The following PCNX3 variants were observed in gnomAD, a reference collection of about 807,000 sequenced individuals.
PCNX3 encodes pecanex-like protein 3.
PCNX3 carries 58 observed loss-of-function variants against 207.2 expected under a neutral mutation model. The observed-to-expected ratio is 0.28, with a 90% CI of 0.23 to 0.35. The LOEUF (loss-of-function observed/expected upper bound fraction) is 0.35. Among genes scored for constraint, PCNX3 ranks in the 10% least tolerant of loss-of-function variants. PCNX3 has a pLI of 1.00. For synonymous variants in PCNX3, 1,337 were observed against 1,183.5 expected, an observed-to-expected ratio of 1.13 and a Z score of -2.66; for missense variants, 2,410 against 2,774.4, an observed-to-expected ratio of 0.87 and a Z score of 2.95.
At chr11:65,622,396 T>C (rs778670632) in intron 11 of PCNX3, 30 bp downstream of exon 11, 1 of 1,579,020 alleles carries the variant, frequency 6.3e-7, no homozygotes, top group African/African-American at 1.3e-5. Context: ...GGCCCCCAAT[T>C]CTTGGAAAGC....
Position 65,627,600 on chromosome 11 carries a change from G to T in PCNX3, c.3702+18G>T, listed in dbSNP as rs375225945. The T allele has an allele frequency of 2.5e-6, 4 of 1,612,600 alleles. No homozygotes were observed. Among genetic ancestry groups the T allele is most frequent in the Non-Finnish European group, 3.4e-6 (4 of 1,179,098 alleles). On this transcript the variant is annotated intron_variant, in intron 22 of 34. Coordinates refer to ENST00000355703, the MANE Select transcript of PCNX3 (RefSeq NM_032223.4). ...GCAGCAAGGTGAGTTGGTGGCTGTGGCCCAGACCCCAGGCTGTCCAATGGG... is the reference window on the plus strand; with the variant it reads ...GCAGCAAGGTGAGTTGGTGGCTGTGTCCCAGACCCCAGGCTGTCCAATGGG...
chr11:65,631,180 G>A (rs1035916862), intron 27 of PCNX3, among the ~76,000 whole-genome samples: 1 of 152,196 alleles, frequency 6.6e-6, no homozygotes, highest in African/African-American at 2.4e-5. Context: ...TAGCCTGGGG[G>A]CTCTGAGCCA....
Position 65,625,129 on chromosome 11 carries a change from G to A in PCNX3, c.2920-42G>A, listed in dbSNP as rs1855315306. On this transcript the variant is annotated intron_variant, in intron 16 of 34. Coordinates refer to ENST00000355703, the MANE Select transcript of PCNX3 (RefSeq NM_032223.4). This position sits in a 1 kb window ranked among gnomAD's most constrained non-coding sequence, Gnocchi z 5.6. ...CACACGGGGGCAGCCCGGGCCCCAT[G>A]CTTACCTCACCTCCCCTGACCAGCA... is the stretch of plus-strand genomic sequence containing the variant. 3 of 1,565,948 alleles carry A rather than the reference G, an allele frequency of 1.9e-6. No homozygotes were observed. The highest frequency in any genetic ancestry group is 2.6e-6 in the Non-Finnish European group (3 of 1,148,100).
rs900321468 is a variant in PCNX3 at position 65,618,235 on chromosome 11, G to A, written c.873G>A (p.Thr291=). The A allele has an allele frequency of 1.0e-5, 16 of 1,607,674 alleles. No homozygotes were observed. The highest frequency in any genetic ancestry group is 1.3e-5 in the African/African-American group (1 of 74,620). The change falls in exon 6 of 35, where the codon ACG becomes ACA. Residue 291 remains threonine, a synonymous_variant. Coordinates refer to ENST00000355703, the MANE Select transcript of PCNX3 (RefSeq NM_032223.4). ...ACCGGCGGGGCTCAGGGGAGCCCAC[G>A]CCCCAGAAAGCCGGCTCCTCAGACT... ...PLDRRGSGEP[T]PQKAGSSDSC...
Position 65,629,776 on chromosome 11 carries a change from G to A in PCNX3, c.4216+41G>A, listed in dbSNP as rs556107675. Reference sequence around the variant, plus strand: ...AGGCTCGGGTGGGCAGGCACAGCTCGGGCCTGATGTGGGAGCTGTGTTCAA... The same window carrying A: ...AGGCTCGGGTGGGCAGGCACAGCTCAGGCCTGATGTGGGAGCTGTGTTCAA... On this transcript the variant is annotated intron_variant, in intron 26 of 34. Transcript: ENST00000355703. The A allele has an allele frequency of 1.7e-5, 26 of 1,536,380 alleles. No homozygotes were observed. The Middle Eastern group carries it at 9.1e-4, about 54-fold the overall frequency.
At chr11:65,626,754 G>A (rs547129962) in intron 20 of PCNX3, 150 bp from the exon 21 acceptor site, 27 of 1,154,424 alleles carry the variant, frequency 2.3e-5, no homozygotes, top group African/African-American at 4.7e-5. Context: ...GCTGGGGCTC[G>A]CTGCTCCCAT....
At position 65,617,655 on chromosome 11, in the gene PCNX3, G is replaced by T. The variant is rs376623806; in HGVS notation, c.526G>T (p.Val176Leu). ...VREQGSNNVI[V>L]TSADREMLKL... is the part of the protein sequence containing the mutation. Reference sequence around the variant, plus strand: ...GGAGCAGGGCAGCAACAATGTGATCGTGACTTCTGCCGACCGAGAGATGCT... The same window carrying T: ...GGAGCAGGGCAGCAACAATGTGATCTTGACTTCTGCCGACCGAGAGATGCT... Residue 176 changes from valine (V) to leucine (L), a missense_variant, in exon 5 of 35, where the codon GTG becomes TTG. Transcript: ENST00000355703. 6.3e-7 allele frequency: 1 copy of T among 1,596,396 alleles called. No homozygotes were observed. The highest frequency in any genetic ancestry group is 8.5e-7 in the Non-Finnish European group (1 of 1,171,386).
In PCNX3 at chr11:65,636,238, G is replaced by T. The variant is rs752571009; in HGVS notation, c.5524G>T (p.Gly1842Trp). 5 of 1,584,422 alleles carry T rather than the reference G, an allele frequency of 3.2e-6. No homozygotes were observed. In the South Asian group the frequency reaches 5.7e-5, roughly 18 times the overall value. ...GAACGTGGATGATTCAGACTGTAGT[G>T]GGGGCGGTGGCCTGACCTCCCTCAG... The part of the protein sequence containing the change: ...GGNVDDSDCS[G>W]GGGLTSLSNN... The change falls in exon 33 of 35, where the codon GGG becomes TGG. Residue 1842 changes from glycine (G) to tryptophan (W), a missense_variant. By Grantham distance (184) the Gly-to-Trp change is radical (BLOSUM62 -2). Around this residue, in one of 8 missense-constraint regions of PCNX3, gnomAD observed 59 missense variants for 83.9 expected, o/e 0.70. Coordinates refer to ENST00000355703, the MANE Select transcript of PCNX3 (RefSeq NM_032223.4).
In PCNX3 at chr11:65,635,233, C is replaced by T. The variant is rs774046630; in HGVS notation, c.4969C>T (p.Pro1657Ser). 2.5e-6 allele frequency: 4 copies of T among 1,587,506 alleles called. No homozygotes were observed. The East Asian group carries it at 6.9e-5, about 28-fold the overall frequency. Residue 1657 changes from proline (P) to serine (S), a missense_variant, in exon 31 of 35, where the codon CCA becomes TCA. Physicochemically the swap from Pro to Ser is moderately conservative, Grantham distance 74. Transcript: ENST00000355703. This position sits in a 1 kb window ranked among gnomAD's most constrained non-coding sequence, Gnocchi z 9.9. ...TCTCTACCAGGACCACTTCACGTCC[C>T]CAGATGAATATGAGGAGCCAGCAGC... ...LKLHQDHFTS[P>S]DEYEEPAALY... is the part of the protein sequence containing the mutation.
chr11:65,618,852 C>T lies in PCNX3; in HGVS notation c.1490C>T (p.Ala497Val). 6.2e-7 allele frequency: 1 copy of T among 1,611,136 alleles called. No individual in the cohort carries two copies. Among genetic ancestry groups the T allele is most frequent in the Non-Finnish European group, 8.5e-7 (1 of 1,179,218 alleles). The change falls in exon 6 of 35, where the codon GCT (alanine) becomes GTT (valine). Residue 497 changes from alanine (A) to valine (V), a missense_variant. Physicochemically the swap from Ala to Val is moderately conservative, Grantham distance 64. Transcript: ENST00000355703. ...CAGCGGACGCCTAGTACCGCCAGCG[C>T]TAAAACACATGCCCGTGTGCTGAGC... ...GTQRTPSTAS[A>V]KTHARVLSMD...
In PCNX3 at chr11:65,616,960, C is replaced by T; in HGVS notation, c.290C>T (p.Thr97Ile). ...GAGATCGTGGAGAAGCGCAGCTCTA[C>T]CATGGGGGAGCTGGAGGAAGAGCCT... The part of the protein sequence containing the change: ...QGEIVEKRSS[T>I]MGELEEEPAQ... The change falls in exon 2 of 35, where the codon ACC (threonine) becomes ATC (isoleucine). Residue 97 changes from threonine to isoleucine, a missense_variant. Around this residue, in one of 8 missense-constraint regions of PCNX3, gnomAD observed 1,104 missense variants for 970.3 expected, o/e 1.14. Coordinates refer to ENST00000355703, the MANE Select transcript of PCNX3 (RefSeq NM_032223.4). The T allele has an allele frequency of 6.2e-7, 1 of 1,613,158 alleles. No individual in the cohort carries two copies. Among genetic ancestry groups the T allele is most frequent in the South Asian group, 1.1e-5 (1 of 91,062 alleles).
Position 65,635,884 on chromosome 11 carries a change from ACGT to A in PCNX3, c.5459+82_5459+84del, listed in dbSNP as rs1855813137. 1 of 1,482,228 alleles carries A rather than the reference ACGT, an allele frequency of 6.7e-7. No individual in the cohort carries two copies. The highest frequency in any genetic ancestry group is 2.2e-5 in the Admixed American group (1 of 44,854). 91.8% of individuals were successfully genotyped at this position (1,482,228 alleles called of 1,614,324 possible). On this transcript the variant is annotated intron_variant, in intron 32 of 34. Transcript: ENST00000355703. This position sits in a 1 kb window ranked among gnomAD's most constrained non-coding sequence, Gnocchi z 9.9. ...GTCCCTCCTGGGTCTCAGAGGGAGG[ACGT>A]GCTGGAGCCAGGGCTTGAATCCCGA...
At position 65,616,901 on chromosome 11, in the gene PCNX3, C is replaced by T. The variant is rs1389627706; in HGVS notation, c.231C>T (p.Val77=). Residue 77 remains valine (V), a synonymous_variant, in exon 2 of 35, where the codon GTC becomes GTT. Transcript: ENST00000355703. Reference sequence around the variant, plus strand: ...TCATCTTTGCTACTATCAAGACTGTCAATTATCGGCTTCATGCCATGTTTG... The same window carrying T: ...TCATCTTTGCTACTATCAAGACTGTTAATTATCGGCTTCATGCCATGTTTG... ...VAVIFATIKT[V]NYRLHAMFDQ... The T allele has an allele frequency of 6.2e-7, 1 of 1,613,636 alleles. No homozygotes were observed. The highest frequency in any genetic ancestry group is 8.5e-7 in the Non-Finnish European group (1 of 1,179,866).
rs774676201 is a variant in PCNX3, at chr11:65,626,981, G to A, written c.3457G>A (p.Val1153Met). 11 of 1,559,566 alleles carry A rather than the reference G, an allele frequency of 7.1e-6. No individual in the cohort carries two copies. The highest frequency in any genetic ancestry group is 2.7e-5 in the African/African-American group (2 of 73,414). ...CVEKYLIYPAVVLNALTVDAH... is the reference protein window; with the variant it reads ...CVEKYLIYPAMVLNALTVDAH... ...AGAGAAGTACCTCATCTACCCCGCCGTGGTGCTCAACGCCCTCACGGTGGA... is the reference window on the plus strand; with the variant it reads ...AGAGAAGTACCTCATCTACCCCGCCATGGTGCTCAACGCCCTCACGGTGGA... Residue 1153 changes from valine to methionine, a missense_variant, in exon 21 of 35, where the codon GTG becomes ATG. By Grantham distance (21) the Val-to-Met change is conservative. Transcript: ENST00000355703.
intron 12 of PCNX3, 37 bp downstream of exon 12, chr11:65,623,681 A>C (rs966315188): frequency 1.3e-6 from 2 of 1,598,498 alleles, no homozygotes; most frequent in African/African-American, 1.3e-5. Context: ...TCCCCACCCG[A>C]CTTTTCCCAA....
In PCNX3 at chr11:65,618,590, C is replaced by G. The variant is rs368795941; in HGVS notation, c.1228C>G (p.Arg410Gly). The G allele has an allele frequency of 6.2e-7, 1 of 1,612,080 alleles. No individual in the cohort carries two copies. Among genetic ancestry groups the G allele is most frequent in the Non-Finnish European group, 8.5e-7 (1 of 1,179,778 alleles). ...CTCTCCACCTGGCCGTGCCCCTCGA[C>G]GGCCCCTGCTTGAAGGTGGGGGCTT... ...RHSPPGRAPR[R>G]PLLEGGGFFE... is the part of the protein sequence containing the mutation. Residue 410 changes from arginine to glycine, a missense_variant, in exon 6 of 35, where the codon CGG becomes GGG. Arg to Gly is a moderately radical substitution (Grantham distance 125). Around this residue, in one of 8 missense-constraint regions of PCNX3, gnomAD observed 1,104 missense variants for 970.3 expected, o/e 1.14. Transcript: ENST00000355703.
rs1188293240 is a variant in PCNX3 at position 65,635,705 on chromosome 11, C to T, written c.5361C>T (p.Thr1787=). 1 of 1,610,122 alleles carries T rather than the reference C, an allele frequency of 6.2e-7. No individual in the cohort carries two copies. Among genetic ancestry groups the T allele is most frequent in the Non-Finnish European group, 8.5e-7 (1 of 1,178,594 alleles). Reference sequence around the variant, plus strand: ...ACCCCATCTACGTGTCGCCTCTCACCACCTCGCTGGCTGGCAGCCACCCCC... The same window carrying T: ...ACCCCATCTACGTGTCGCCTCTCACTACCTCGCTGGCTGGCAGCCACCCCC... ...LGYPIYVSPL[T]TSLAGSHPQL... The change falls in exon 32 of 35, where the codon ACC becomes ACT. Residue 1787 remains threonine, a synonymous_variant. Transcript: ENST00000355703. The surrounding 1 kb of genome is among the most constrained non-coding windows in gnomAD (Gnocchi z 9.9).
rs1411039097 is a variant in PCNX3, at chr11:65,627,521, A to G, written c.3641A>G (p.Tyr1214Cys). The G allele has an allele frequency of 2.5e-6, 4 of 1,613,364 alleles. No individual in the cohort carries two copies. Among genetic ancestry groups the G allele is most frequent in the Admixed American group, 1.7e-5 (1 of 59,958 alleles). ...AFTVLLFHFD[Y>C]PRLSQGFLLD... ...ACCGTCCTGCTCTTCCACTTTGACTACCCGCGCCTCTCCCAGGGCTTTCTG... is the reference window on the plus strand; with the variant it reads ...ACCGTCCTGCTCTTCCACTTTGACTGCCCGCGCCTCTCCCAGGGCTTTCTG... Residue 1214 changes from tyrosine to cysteine, a missense_variant, in exon 22 of 35, where the codon TAC (tyrosine) becomes TGC (cysteine). Tyr to Cys is a radical substitution (Grantham distance 194). Transcript: ENST00000355703.
chr11:65,626,010 A>G lies in PCNX3; in HGVS notation c.3335A>G (p.Gln1112Arg), dbSNP rs61749498. ...RKQLPWFCLS[Q>R]PVLKPLEYSQ... ...CAGCTGCCCTGGTTCTGCCTGTCAC[A>G]GCCCGTGCTGAAGCCGCTGGAGTAC... The change falls in exon 20 of 35, where the codon CAG becomes CGG. Residue 1112 changes from glutamine (Q) to arginine (R), a missense_variant. By Grantham distance (43) the Gln-to-Arg change is conservative. Transcript: ENST00000355703. The G allele has an allele frequency of 1.2e-6, 2 of 1,613,058 alleles. No individual in the cohort carries two copies. Among genetic ancestry groups the G allele is most frequent in the South Asian group, 2.2e-5 (2 of 90,944 alleles).
Sources: gnomAD v4.1 joint callset for allele counts (sites outside exome capture counted in the v4.1 genomes callset) on GRCh38, gnomAD v4.1.1 for gene constraint, gnomAD v4.1.1 regional missense constraint, Gnocchi (gnomAD v3.1) non-coding constraint, MANE v1.5 for transcripts, NCBI Gene and HGNC (gene_info 2026-07-23, HGNC 2026-07-21) for gene names.